CNOT1: variants seen among roughly 807,000 people sequenced by gnomAD.
The protein encoded by CNOT1 is CCR4-NOT transcription complex subunit 1.
In CNOT1, 15 loss-of-function variants were observed where a neutral mutation model predicts 273.8. That is an observed-to-expected ratio of 0.05 (90% CI 0.04 to 0.08). CNOT1 has a LOEUF of 0.08. CNOT1 is among the 10% of genes least tolerant of loss of function. The pLI, the probability that CNOT1 is intolerant of heterozygous loss-of-function variation, is 1.00. For synonymous variants in CNOT1, 1,022 were observed against 1,005.5 expected (o/e 1.02, Z -0.31); for missense variants, 1,644 against 2,912.2 (o/e 0.56, Z 10.02).
chr16:58,578,945 G>A lies in CNOT1; in HGVS notation c.1344-6C>T, dbSNP rs770860778. ...CAATCAAATCCAAGCTCTTCCTAAC[G>A]AGAAAGGAAGAAACATGCTTTATCA... On this transcript the variant is annotated splice_polypyrimidine_tract_variant and splice_region_variant and intron_variant, in intron 12 of 48. Transcript: ENST00000317147. 78 of 1,611,802 alleles carry A rather than the reference G, an allele frequency of 4.8e-5. 1 individual carries two copies. In the South Asian group the frequency reaches 5.7e-4, roughly 12 times the overall value.
rs1231188820 is a variant in CNOT1 at position 58,555,400 on chromosome 16, G to T, written c.2742C>A (p.Ala914=). ...QYPDKELHIT[A]CLFGGIIEKG... ...TCTCAATTATACCACCAAATAGGCA[G>T]GCTGTTATATGTAACTCTTTATCAG... Residue 914 remains alanine, a synonymous_variant, in exon 21 of 49, where the codon GCC becomes GCA. Coordinates refer to ENST00000317147, the MANE Select transcript of CNOT1 (RefSeq NM_016284.5). 4 of 1,614,168 alleles carry T rather than the reference G, an allele frequency of 2.5e-6. No homozygotes were observed. The highest frequency in any genetic ancestry group is 3.4e-6 in the Non-Finnish European group (4 of 1,180,034).
At chr16:58,531,623 C>T (rs1023626510) in intron 42 of CNOT1, among the ~76,000 whole-genome samples, 2 of 152,052 alleles carry the variant, frequency 1.3e-5, no homozygotes, top group African/African-American at 4.8e-5. Flanking sequence ...CCAAAAAAAC[C>T]CTTAACTGAC....
At chr16:58,537,690 A>G (rs895908262) in intron 38 of CNOT1, among the ~76,000 whole-genome samples, 3 of 152,242 alleles carry the variant, frequency 2.0e-5, no homozygotes, top group South Asian at 2.1e-4. Flanking sequence ...TACCGTATGT[A>G]CTGCTCTGTG....
intron 1 of CNOT1, among the ~76,000 whole-genome samples, chr16:58,602,448 G>C (rs2042500874): frequency 6.6e-6 from 1 of 151,040 alleles, no homozygotes; most frequent in Non-Finnish European, 1.5e-5. Context: ...AGCTACTTGG[G>C]AGGTCGAGAC....
intron 1 of CNOT1, among the ~76,000 whole-genome samples, chr16:58,612,432 T>C (rs1031930109): frequency 3.9e-5 from 6 of 152,156 alleles, no homozygotes; most frequent in African/African-American, 1.4e-4. Context: ...ACTCTCTTTC[T>C]GCAATTATGA....
At chr16:58,569,311 C>T (rs1597478084) in intron 16 of CNOT1, among the ~76,000 whole-genome samples, 1 of 152,026 alleles carries the variant, frequency 6.6e-6, no homozygotes. Context: ...TTAGTGGATA[C>T]GGAGTTTTGC....
chr16:58,522,932 C>G (rs1379198130), intron 47 of CNOT1: 1 of 153,044 alleles, frequency 6.5e-6, no homozygotes, highest in African/African-American at 2.4e-5. Flanking sequence ...ACATTTAACA[C>G]ATTATTGGAC....
chr16:58,617,743 T>C (rs973727697), intron 1 of CNOT1, among the ~76,000 whole-genome samples: 2 of 152,156 alleles, frequency 1.3e-5, no homozygotes, highest in Non-Finnish European at 2.9e-5. Flanking sequence ...CAGTGGCTCA[T>C]GCCTGTAATC....
intron 30 of CNOT1, among the ~76,000 whole-genome samples, chr16:58,545,125 T>C (rs547130050): frequency 2.0e-5 from 3 of 152,360 alleles, no homozygotes; most frequent in Middle Eastern, 3.4e-3. Context: ...TAAATTTTAG[T>C]ATCATGGGTT....
At chr16:58,597,220 TCA>T (rs962581041) in intron 2 of CNOT1, among the ~76,000 whole-genome samples, 3 of 152,016 alleles carry the variant, frequency 2.0e-5, no homozygotes, top group Non-Finnish European at 2.9e-5. Context: ...GAGCCTGTAA[TCA>T]CAGCACTTTG....
At chr16:58,549,608 G>T (rs2040388668) in intron 25 of CNOT1, 111 bp downstream of exon 25, 2 of 1,419,408 alleles carry the variant, frequency 1.4e-6, no homozygotes, top group Non-Finnish European at 1.8e-6. Context: ...ATTTCCAGAG[G>T]TACCTAATAT....
intron 1 of CNOT1, among the ~76,000 whole-genome samples, chr16:58,616,836 T>C (rs2043103278): frequency 6.6e-6 from 1 of 152,196 alleles, no homozygotes; most frequent in South Asian, 2.1e-4. Flanking sequence ...CCATGTAGTC[T>C]TCTGTTACAT....
Position 58,526,116 on chromosome 16 carries a change from T to C in CNOT1, c.6476A>G (p.Asn2159Ser). The C allele has an allele frequency of 6.2e-7, 1 of 1,614,068 alleles. No homozygotes were observed. The change falls in exon 45 of 49, where the codon AAC (asparagine) becomes AGC (serine). Residue 2159 changes from asparagine to serine, a missense_variant. By Grantham distance (46) the Asn-to-Ser change is conservative. Transcript: ENST00000317147. The part of the protein sequence containing the change: ...NLKVDMLSEI[N>S]IAPRILTNFT... ...ATTGGTGAGAATCCGGGGAGCAATG[T>C]TAATTTCACTCAACATGTCCACCTG...
chr16:58,589,790 C>T (rs1365921256), intron 2 of CNOT1, among the ~76,000 whole-genome samples: 7 of 152,188 alleles, frequency 4.6e-5, no homozygotes, highest in Non-Finnish European at 1.0e-4. Context: ...TGCCCTTGAG[C>T]TCAGTTTCCT....
intron 1 of CNOT1, among the ~76,000 whole-genome samples, chr16:58,608,954 G>C (rs1056335414): frequency 2.6e-5 from 4 of 152,162 alleles, no homozygotes; most frequent in African/African-American, 9.7e-5. Context: ...TAGACCTTGG[G>C]GATTCAGGAG....
intron 43 of CNOT1, among the ~76,000 whole-genome samples, chr16:58,529,132 TAC>T (rs1180493260): frequency 6.6e-6 from 1 of 152,094 alleles, no homozygotes; most frequent in Non-Finnish European, 1.5e-5. Flanking sequence ...TTACAGATCC[TAC>T]AGTCATAAAA....
intron 47 of CNOT1, 127 bp from the exon 48 acceptor site, chr16:58,521,444 A>G (rs1344905749): frequency 3.4e-6 from 3 of 886,914 alleles, no homozygotes; most frequent in Non-Finnish European, 5.1e-6. Flanking sequence ...ACCTTTAGTA[A>G]AGACAGGTGG....
chr16:58,553,522 T>C (rs35908812), intron 22 of CNOT1, among the ~76,000 whole-genome samples: 7,690 of 74,704 alleles, frequency 0.1, 263 homozygotes, highest in Middle Eastern at 0.23. Flanking sequence ...TTCAACTGCA[T>C]TACAGGTTAA....
At chr16:58,578,667 G>A (rs1210472923) in intron 13 of CNOT1, 32 bp downstream of exon 13, 1 of 1,605,416 alleles carries the variant, frequency 6.2e-7, no homozygotes, top group Non-Finnish European at 8.5e-7. Flanking sequence ...TTATTCAGAT[G>A]AAAAAATGGT....
Sources: allele counts gnomAD v4.1 joint callset (sites outside exome capture counted in the v4.1 genomes callset), GRCh38; gene constraint gnomAD v4.1.1; transcripts MANE v1.5; gene names NCBI Gene and HGNC (gene_info 2026-07-23, HGNC 2026-07-21).